The following NRL variants were observed in gnomAD, a reference collection of about 807,000 sequenced individuals.
NRL encodes the protein neural retina leucine zipper.
Under a neutral mutation model 12.5 loss-of-function variants are expected in NRL, and 16 were observed. The ratio of observed to expected loss-of-function variants is 1.28; its 90% CI spans 0.87 to 1.95. The LOEUF (loss-of-function observed/expected upper bound fraction) is 1.95, where lower values mean the gene tolerates loss of function less well. Among genes scored for constraint, NRL ranks in the 30% most tolerant of loss-of-function variants. NRL has a pLI of 0.00. For missense variants in NRL, 314 were observed against 325.8 expected, an observed-to-expected ratio of 0.96 and a Z score of 0.28; for synonymous variants, 142 against 150.9, an observed-to-expected ratio of 0.94 and a Z score of 0.43.
chr14:24,107,912 T>A (rs2037363070), intron 1 of NRL, among the ~76,000 whole-genome samples: 1 of 152,264 alleles, frequency 6.6e-6, no homozygotes, highest in South Asian at 2.1e-4. Context: ...TGATTTGATT[T>A]CCTATTATCC....
chr14:24,082,906 T>C (rs970680831), intron 1 of NRL, 31 bp from the exon 2 acceptor site: 13 of 1,562,636 alleles, frequency 8.3e-6, no homozygotes, highest in Non-Finnish European at 1.1e-5. Context: ...CTGGAGCACA[T>C]GGAGGCCACC....
chr14:24,102,940 T>A, intron 1 of NRL: 1 of 1,563,398 alleles, frequency 6.4e-7, no homozygotes, highest in South Asian at 1.1e-5. Flanking sequence ...TATCTCTGTA[T>A]TAGGGCCTAC....
At chr14:24,108,118 C>T (rs2037366420) in intron 1 of NRL, among the ~76,000 whole-genome samples, 1 of 152,164 alleles carries the variant, frequency 6.6e-6, no homozygotes, top group Admixed American at 6.5e-5. Flanking sequence ...ATAAGTTGCT[C>T]CATGCTCATT....
intron 1 of NRL, among the ~76,000 whole-genome samples, chr14:24,114,038 G>A (rs1420468844): frequency 6.6e-6 from 1 of 151,818 alleles, no homozygotes; most frequent in African/African-American, 2.4e-5. Context: ...ACCCGCAGGA[G>A]GGGGCAGGAG....
chr14:24,083,874 G>A (rs185477109), intron 1 of NRL, among the ~76,000 whole-genome samples: 1 of 152,322 alleles, frequency 6.6e-6, no homozygotes, highest in Admixed American at 6.5e-5. Flanking sequence ...CTAAACTTAT[G>A]TCACCAAGGA....
chr14:24,114,778 T>C lies in NRL; in HGVS notation c.-84A>G. 1 of 985,896 alleles carries C rather than the reference T, an allele frequency of 1.0e-6. No individual in the cohort carries two copies. Among genetic ancestry groups the C allele is most frequent in the Non-Finnish European group, 1.2e-6 (1 of 829,938 alleles). The allele number at this position is 985,896 out of a possible 1,614,324, so 61.1% of individuals were successfully genotyped here. On this transcript the variant is annotated 5_prime_UTR_variant, in exon 1 of 3. Transcript: ENST00000561028. ...GCTGGCCAAGGGGGCGGGGCCGTCG[T>C]GTGACGTTTGCAGCCCGCCGGCCAG...
chr14:24,105,377 T>C (rs2037321499), intron 1 of NRL, among the ~76,000 whole-genome samples: 1 of 152,164 alleles, frequency 6.6e-6, no homozygotes, highest in Admixed American at 6.6e-5. Flanking sequence ...TTATGGCCAG[T>C]TTTGGGGCCA....
intron 1 of NRL, among the ~76,000 whole-genome samples, chr14:24,104,640 CA>C (rs375795839): frequency 1.6e-3 from 168 of 106,166 alleles, no homozygotes; most frequent in South Asian, 0.01. Flanking sequence ...AACTCCGTCA[CA>C]AAAAAAAAAA....
intron 1 of NRL, among the ~76,000 whole-genome samples, chr14:24,101,160 C>G (rs1321263543): frequency 6.6e-6 from 1 of 152,208 alleles, no homozygotes; most frequent in African/African-American, 2.4e-5. Flanking sequence ...ATCCAAGAAA[C>G]TTTCATCTTT....
chr14:24,103,032 A>C lies in NRL; in HGVS notation c.-28+11690T>G. 5 of 1,194,076 alleles carry C rather than the reference A, an allele frequency of 4.2e-6. 1 individual carries two copies. In the South Asian group the frequency reaches 5.2e-5, roughly 12 times the overall value. 74.0% of individuals were successfully genotyped at this position (1,194,076 alleles called of 1,614,324 possible). On this transcript the variant is annotated intron_variant, in intron 1 of 2. Transcript: ENST00000561028. ...CCCTGGTGAATGCAAACTTGGGAGGAGGCAAAGGGTCTGAAAATGGGATAG... is the reference window on the plus strand; with the variant it reads ...CCCTGGTGAATGCAAACTTGGGAGGCGGCAAAGGGTCTGAAAATGGGATAG...
In NRL at chr14:24,094,195, C is replaced by CGG. The variant is rs1183933226; in HGVS notation, c.-27-11322_-27-11321dup. ...TGGGCTGACCTGGAGCCTGGAGCCC[C>CGG]GGGGCCGAGGGAGCTGGCCTGCCAG... is the stretch of plus-strand genomic sequence containing the variant. On this transcript the variant is annotated intron_variant, in intron 1 of 2. Coordinates refer to ENST00000561028, the MANE Select transcript of NRL (RefSeq NM_001354768.3). The surrounding 1 kb of genome is among the most constrained non-coding windows in gnomAD (Gnocchi z 4.1). 3.5e-6 allele frequency: 2 copies of CGG among 564,996 alleles called. No individual in the cohort carries two copies. Among genetic ancestry groups the CGG allele is most frequent in the Admixed American group, 7.5e-5 (2 of 26,544 alleles). 35.0% of individuals were successfully genotyped at this position (564,996 alleles called of 1,614,324 possible).
chr14:24,098,118 A>T, intron 1 of NRL: 1 of 1,090,716 alleles, frequency 9.2e-7, no homozygotes, highest in Non-Finnish European at 1.3e-6. Flanking sequence ...GAAGACCTGG[A>T]GTCAAAGTTG....
chr14:24,111,029 T>C (rs1316828670), intron 1 of NRL, among the ~76,000 whole-genome samples: 1 of 152,260 alleles, frequency 6.6e-6, no homozygotes, highest in Non-Finnish European at 1.5e-5. Context: ...ATCCCCAGGC[T>C]GGAGTACAGT....
rs2036443687 is a variant in NRL, at chr14:24,085,505, T to G, written c.-27-2630A>C. 6.6e-6 allele frequency among the ~76,000 whole-genome samples: 1 copy of G among 152,110 alleles called. No homozygotes were observed. Among genetic ancestry groups the G allele is most frequent in the Non-Finnish European group, 1.5e-5 (1 of 68,020 alleles). ...ACCTCTTAGAGCTATCATCCCTGAG[T>G]AGGAGTGGGAACAGGGATACTAGGA... On this transcript the variant is annotated intron_variant, in intron 1 of 2. Coordinates refer to ENST00000561028, the MANE Select transcript of NRL (RefSeq NM_001354768.3). This position sits in a 1 kb window ranked among gnomAD's most constrained non-coding sequence, Gnocchi z 4.1.
rs2036230043 is a variant in NRL at position 24,079,939 on chromosome 14, G to T, written c.*1297C>A. Among the ~76,000 whole-genome samples the T allele has an allele frequency of 6.6e-6, 1 of 151,964 alleles. No homozygotes were observed. ...GTGGTGGTGGTGGTGAGAGGGGGAG[G>T]ATCCATCTGTTCCAATGCCTGCCCC... On this transcript the variant is annotated 3_prime_UTR_variant, in exon 3 of 3. Coordinates refer to ENST00000561028, the MANE Select transcript of NRL (RefSeq NM_001354768.3).
intron 1 of NRL, chr14:24,103,554 G>T: frequency 1.9e-6 from 3 of 1,565,358 alleles, no homozygotes; most frequent in South Asian, 2.4e-5. Context: ...GCCCTTTTTT[G>T]GCTACAACTT....
chr14:24,096,974 G>A (rs764422515), intron 1 of NRL: 1 of 1,613,558 alleles, frequency 6.2e-7, no homozygotes, highest in South Asian at 1.1e-5. Flanking sequence ...TGGAGATCTG[G>A]GCCAGCTTCC....
intron 1 of NRL, chr14:24,104,203 T>A (rs2037286442): frequency 1.9e-6 from 1 of 531,598 alleles, no homozygotes. Flanking sequence ...ATCATCTTCT[T>A]CCAGCCCCTA....
Position 24,081,803 on chromosome 14 carries a change from G to A in NRL, c.382-235C>T. 6.7e-7 allele frequency: 1 copy of A among 1,482,750 alleles called. No individual in the cohort carries two copies. The highest frequency in any genetic ancestry group is 8.9e-7 in the Non-Finnish European group (1 of 1,121,632). 91.8% of individuals were successfully genotyped at this position (1,482,750 alleles called of 1,614,324 possible). A position where few individuals can be genotyped will look rare whatever the true frequency, so the allele number is the denominator to read the frequency against. On this transcript the variant is annotated intron_variant, in intron 2 of 2. Coordinates refer to ENST00000561028, the MANE Select transcript of NRL (RefSeq NM_001354768.3). The surrounding 1 kb of genome is among the most constrained non-coding windows in gnomAD (Gnocchi z 4.4). ...GTCAGGCGGGCGCCCCACGGTGCAG[G>A]GCCGGCCACGGTCAGGCGAGCCCGT...
Sources: allele counts gnomAD v4.1 joint callset (sites outside exome capture counted in the v4.1 genomes callset), GRCh38; gene constraint gnomAD v4.1.1; non-coding constraint Gnocchi (gnomAD v3.1); transcripts MANE v1.5; gene names NCBI Gene and HGNC (gene_info 2026-07-23, HGNC 2026-07-21).